DNAH2: variants seen among roughly 807,000 people sequenced by gnomAD.
The protein encoded by DNAH2 is dynein axonemal heavy chain 2, also known as axonemal beta dynein heavy chain 2.
DNAH2 carries 323 observed loss-of-function variants against 523.5 expected under a neutral mutation model. That is an observed-to-expected ratio of 0.62 (90% CI 0.56 to 0.68). The LOEUF is 0.68. Ranked by LOEUF, DNAH2 falls within the 30% of genes least tolerant of loss-of-function variation. The pLI, the probability that DNAH2 is intolerant of heterozygous loss-of-function variation, is 0.00. For synonymous variants in DNAH2, 2,093 were observed against 2,177.4 expected (o/e 0.96, Z 1.08); for missense variants, 4,907 against 5,701.5 (o/e 0.86, Z 4.49).
chr17:7,818,622 T>C, intron 69 of DNAH2, 21 bp from the exon 70 acceptor site: 1 of 1,613,396 alleles, frequency 6.2e-7, no homozygotes, highest in Non-Finnish European at 8.5e-7. Flanking sequence ...AGCCCCTCAC[T>C]GTGAGTCCTG....
chr17:7,771,066 C>T (rs2076301469), intron 27 of DNAH2, 133 bp downstream of exon 27: 17 of 1,086,164 alleles, frequency 1.6e-5, no homozygotes. Context: ...ACCCAGCTGT[C>T]TGATTCTTAG....
At chr17:7,823,684 T>C (rs1448821274) in intron 74 of DNAH2, 56 bp downstream of exon 74, 2 of 1,594,104 alleles carry the variant, frequency 1.3e-6, no homozygotes, top group Non-Finnish European at 1.7e-6. Flanking sequence ...TTCAGCCACA[T>C]GCCGGCCCTT....
chr17:7,819,021 G>GAC lies in DNAH2; in HGVS notation c.10774_10775dup (p.Ser3593ProfsTer71). The stretch of plus-strand genomic sequence containing the variant: ...CCACAGAGGTGACTGAGCAGCTGGA[G>GAC]ACCAGTGAGACCACAGAGATCAACA... On this transcript the variant is annotated frameshift_variant, in exon 71 of 86. Transcript: ENST00000572933. LOFTEE classifies it high-confidence loss of function. The GAC allele has an allele frequency of 6.2e-7, 1 of 1,602,992 alleles. No individual in the cohort carries two copies. Among genetic ancestry groups the GAC allele is most frequent in the Non-Finnish European group, 8.5e-7 (1 of 1,176,700 alleles).
At chr17:7,753,470 A>C (rs868213476) in intron 12 of DNAH2, among the ~76,000 whole-genome samples, 1 of 152,194 alleles carries the variant, frequency 6.6e-6, no homozygotes, top group Non-Finnish European at 1.5e-5. Flanking sequence ...TCCGCATTGA[A>C]GGGAGCTGCA....
At chr17:7,804,852 A>G in intron 59 of DNAH2, 106 bp from the exon 60 acceptor site, 3 of 1,097,854 alleles carry the variant, frequency 2.7e-6, no homozygotes, top group Non-Finnish European at 4.0e-6. Context: ...TCTCAAAAAA[A>G]AAAAAAAATT....
chr17:7,764,713 C>T (rs888029255), intron 20 of DNAH2, among the ~76,000 whole-genome samples: 7 of 149,982 alleles, frequency 4.7e-5, no homozygotes, highest in East Asian at 2.0e-4. Flanking sequence ...CTGCTGACCT[C>T]GGCCTCCCAA....
intron 15 of DNAH2, 98 bp downstream of exon 15, chr17:7,759,222 A>G (rs2075935315): frequency 1.3e-6 from 2 of 1,526,106 alleles, no homozygotes; most frequent in Non-Finnish European, 1.8e-6. Flanking sequence ...TTTCTTTTTT[A>G]CCAGTGTGTA....
At position 7,786,802 on chromosome 17, in the gene DNAH2, T is replaced by C; in HGVS notation, c.6467-95T>C. 6.2e-7 allele frequency: 1 copy of C among 1,603,602 alleles called. No homozygotes were observed. Among genetic ancestry groups the C allele is most frequent in the Non-Finnish European group, 8.5e-7 (1 of 1,172,838 alleles). On this transcript the variant is annotated intron_variant, in intron 41 of 85. Transcript: ENST00000572933. This position sits in a 1 kb window ranked among gnomAD's most constrained non-coding sequence, Gnocchi z 7.5. ...GAGAAATGCCTGGGGAATGCTGAAGTACAAGGGAGTGTAGGCTTGTGTCTC... is the reference window on the plus strand; with the variant it reads ...GAGAAATGCCTGGGGAATGCTGAAGCACAAGGGAGTGTAGGCTTGTGTCTC...
chr17:7,734,326 G>C lies in DNAH2; in HGVS notation c.739+33G>C, dbSNP rs111491726. On this transcript the variant is annotated intron_variant, in intron 6 of 85. Transcript: ENST00000572933. ...GCTGGCACTGCTAGCATCACCTGGC[G>C]ATCACAGGGGAGAGGGAAAGGGGAG... 25 of 1,605,302 alleles carry C rather than the reference G, an allele frequency of 1.6e-5. No homozygotes were observed. The African/African-American group carries it at 2.4e-4, about 15-fold the overall frequency.
chr17:7,741,299 T>C (rs2909419), intron 11 of DNAH2, among the ~76,000 whole-genome samples: 25,249 of 61,032 alleles, frequency 0.41, 5,136 homozygotes, highest in South Asian at 0.59. Context: ...TCTTTCTTCC[T>C]TCCTTCCCTC....
intron 12 of DNAH2, among the ~76,000 whole-genome samples, chr17:7,756,323 T>C (rs1242678324): frequency 3.3e-5 from 5 of 151,820 alleles, no homozygotes; most frequent in African/African-American, 1.2e-4. Context: ...TCACCCAGGC[T>C]GGAGGGCAGT....
In DNAH2 at chr17:7,763,974, A is replaced by T. The variant is rs1238237999; in HGVS notation, c.3122A>T (p.Glu1041Val). 4.3e-6 allele frequency: 7 copies of T among 1,614,158 alleles called. No individual in the cohort carries two copies. Among genetic ancestry groups the T allele is most frequent in the South Asian group, 2.2e-5 (2 of 91,072 alleles). ...WQNKFATLLR[E>V]MAAGRLLELH... ...AACAAGTTCGCGACTCTGCTCAGGG[A>T]GATGGCTGCTGGGCGCCTCCTGGAG... The change falls in exon 19 of 86, where the codon GAG becomes GTG. Residue 1041 changes from glutamate (E) to valine (V), a missense_variant. By Grantham distance (121) the Glu-to-Val change is moderately radical. Coordinates refer to ENST00000572933, the MANE Select transcript of DNAH2 (RefSeq NM_020877.5).
At chr17:7,797,372 C>T (rs375609065) in intron 51 of DNAH2, 28 bp from the exon 52 acceptor site, 31 of 1,613,994 alleles carry the variant, frequency 1.9e-5, no homozygotes, top group East Asian at 8.9e-5. Flanking sequence ...CTTTATTCCC[C>T]GATCTCACCC....
In DNAH2 at chr17:7,777,640, A is replaced by G. The variant is rs754550685; in HGVS notation, c.5247+6A>G. 2 of 1,613,816 alleles carry G rather than the reference A, an allele frequency of 1.2e-6. No homozygotes were observed. The highest frequency in any genetic ancestry group is 2.2e-5 in the South Asian group (2 of 91,072). On this transcript the variant is annotated splice_donor_region_variant and intron_variant, in intron 33 of 85. Transcript: ENST00000572933. ...TTCGGTTCTACTGGGAGAAGGTGCC[A>G]GATGGGCCACCTCCCCACTCTCTTA...
At chr17:7,787,058 A>G (rs1319107296) in intron 42 of DNAH2, 25 bp downstream of exon 42, 16 of 1,612,264 alleles carry the variant, frequency 9.9e-6, no homozygotes, top group African/African-American at 1.3e-5. Flanking sequence ...TGACTCCTGG[A>G]GGCCTGCAGA....
At chr17:7,741,436 C>A (rs1292997720) in intron 11 of DNAH2, among the ~76,000 whole-genome samples, 1 of 150,722 alleles carries the variant, frequency 6.6e-6, no homozygotes, top group East Asian at 2.0e-4. Context: ...CAGCTCACTG[C>A]AAGCTCTGCC....
chr17:7,721,175 A>AT (rs1416898233), intron 2 of DNAH2, among the ~76,000 whole-genome samples: 5 of 150,292 alleles, frequency 3.3e-5, no homozygotes, highest in East Asian at 3.9e-4. Flanking sequence ...TGCCCAGCTT[A>AT]TTTTTTTTAT....
chr17:7,798,284 C>A lies in DNAH2; in HGVS notation c.8358C>A (p.Ile2786=). The part of the protein sequence containing the change: ...SSICDYTTFQ[I]EVTKHYRKQE... ...TCTGCGACTACACCACCTTCCAGAT[C>A]GAGGTCACCAAACATTATCGGAAGC... The change falls in exon 54 of 86, where the codon ATC becomes ATA. Residue 2786 remains isoleucine, a synonymous_variant. Transcript: ENST00000572933. This position sits in a 1 kb window ranked among gnomAD's most constrained non-coding sequence, Gnocchi z 5.5. The A allele has an allele frequency of 6.2e-7, 1 of 1,613,538 alleles. No individual in the cohort carries two copies.
intron 4 of DNAH2, 128 bp from the exon 5 acceptor site, chr17:7,732,959 T>A: frequency 1.2e-6 from 1 of 841,816 alleles, no homozygotes; most frequent in Non-Finnish European, 1.9e-6. Context: ...AAGCACTTCA[T>A]GGCACTTCCA....
Sources: gnomAD v4.1 joint callset for allele counts (sites outside exome capture counted in the v4.1 genomes callset) on GRCh38, gnomAD v4.1.1 for gene constraint, Gnocchi (gnomAD v3.1) non-coding constraint, MANE v1.5 for transcripts, NCBI Gene and HGNC (gene_info 2026-07-23, HGNC 2026-07-21) for gene names.